Variants in SLC25A26 observed in about 807,000 individuals in gnomAD.
The protein encoded by SLC25A26 is solute carrier family 25 member 26, also known as mitochondrial S-adenosylmethionine carrier protein.
Under a neutral mutation model 37.8 loss-of-function variants are expected in SLC25A26, and 36 were observed. The observed-to-expected ratio is 0.95, with a 90% confidence interval of 0.73 to 1.26. The LOEUF is 1.26. SLC25A26 is among the 50% of genes most tolerant of loss of function. SLC25A26 has a pLI of 0.00. For synonymous variants in SLC25A26, 129 were observed against 122.5 expected (o/e 1.05, Z -0.35); for missense variants, 390 against 331.1 (o/e 1.18, Z -1.38).
intron 1 of SLC25A26, among the ~76,000 whole-genome samples, chr3:66,172,410 G>GAAAGAAAAA (rs2070513235): frequency 1.3e-5 from 1 of 75,180 alleles, no homozygotes; most frequent in African/African-American, 5.0e-5. Context: ...TACCTGTAAA[G>GAAAGAAAAA]AAAAAAAAAA....
intron 1 of SLC25A26, among the ~76,000 whole-genome samples, chr3:66,212,282 ATT>A (rs1257688673): frequency 6.8e-6 from 1 of 147,216 alleles, no homozygotes; most frequent in Admixed American, 6.8e-5. Context: ...TGGTTAATAA[ATT>A]TTTTTTTTTT....
chr3:66,339,901 G>T (rs1029178861), intron 5 of SLC25A26, among the ~76,000 whole-genome samples: 10 of 151,760 alleles, frequency 6.6e-5, no homozygotes, highest in Non-Finnish European at 2.9e-5. Flanking sequence ...TTGTTGCCTT[G>T]CTTTTTGTGT....
chr3:66,347,158 A>G (rs2076345427), intron 6 of SLC25A26, among the ~76,000 whole-genome samples: 1 of 152,234 alleles, frequency 6.6e-6, no homozygotes. Context: ...CTGCACAGCA[A>G]AAGAAACTAT....
chr3:66,153,342 A>T (rs887235601), intron 1 of SLC25A26, among the ~76,000 whole-genome samples: 1 of 152,178 alleles, frequency 6.6e-6, no homozygotes, highest in East Asian at 1.9e-4. Context: ...TTTATGTGCA[A>T]TGTATTCGGG....
chr3:66,351,297 C>T (rs1436025514), intron 6 of SLC25A26, among the ~76,000 whole-genome samples: 1 of 152,064 alleles, frequency 6.6e-6, no homozygotes, highest in Non-Finnish European at 1.5e-5. Flanking sequence ...TATACATATG[C>T]TTACAAAAGT....
At chr3:66,251,084 G>GA (rs1397418896) in intron 3 of SLC25A26, among the ~76,000 whole-genome samples, 2 of 152,144 alleles carry the variant, frequency 1.3e-5, no homozygotes, top group Non-Finnish European at 2.9e-5. Context: ...TTAGAGTTCT[G>GA]AAAAGACCTT....
chr3:66,327,044 A>T (rs1224141141), intron 5 of SLC25A26, among the ~76,000 whole-genome samples: 2 of 152,186 alleles, frequency 1.3e-5, no homozygotes, highest in African/African-American at 4.8e-5. Context: ...TAATACATAG[A>T]AAAAGTCATT....
intron 5 of SLC25A26, among the ~76,000 whole-genome samples, chr3:66,335,204 T>C (rs1290114072): frequency 1.3e-5 from 2 of 152,246 alleles, no homozygotes; most frequent in Non-Finnish European, 2.9e-5. Flanking sequence ...AGCATGGCTT[T>C]TCTTTAAATG....
intron 1 of SLC25A26, among the ~76,000 whole-genome samples, chr3:66,156,753 C>T (rs191915263): frequency 8.5e-5 from 13 of 152,178 alleles, no homozygotes; most frequent in Admixed American, 7.9e-4. Context: ...ATGCCACACT[C>T]CGAGATCCAC....
rs1196757082 is a variant in SLC25A26 at position 66,208,885 on chromosome 3, T to TATATATATACAC, written c.-353-11856_-353-11855insTATATATACACA. Among the ~76,000 whole-genome samples the TATATATATACAC allele has an allele frequency of 1.9e-4, 20 of 105,604 alleles. 1 individual carries two copies. Among genetic ancestry groups the TATATATATACAC allele is most frequent in the South Asian group, 1.6e-3 (5 of 3,068 alleles). 69.3% of individuals were successfully genotyped at this position (105,604 alleles called of 152,430 possible). ...ATGGGTGTGTGTATATATATATATATACACCTTTATATGGGTATATATATA... is the reference window on the plus strand; with the variant it reads ...ATGGGTGTGTGTATATATATATATATATATATATACACACACCTTTATATGGGTATATATATA... On this transcript the variant is annotated intron_variant, in intron 1 of 10. Coordinates refer to the SLC25A26 transcript ENST00000676754.
chr3:66,304,115 G>A (rs981518162), intron 5 of SLC25A26, among the ~76,000 whole-genome samples: 1 of 152,200 alleles, frequency 6.6e-6, no homozygotes, highest in Non-Finnish European at 1.5e-5. Context: ...GCCCATCCAC[G>A]ATAATTTCCC....
chr3:66,182,727 GGT>G (rs1438541344), intron 1 of SLC25A26, among the ~76,000 whole-genome samples: 2,308 of 111,284 alleles, frequency 0.021, 2 homozygotes, highest in African/African-American at 0.024. Flanking sequence ...GGGGGGGGGG[GGT>G]GGGGTATCAG....
chr3:66,328,957 G>A (rs2075905489), intron 5 of SLC25A26, among the ~76,000 whole-genome samples: 2 of 152,056 alleles, frequency 1.3e-5, no homozygotes, highest in African/African-American at 4.8e-5. Context: ...CAAAATATGT[G>A]CCACCTAGCT....
At chr3:66,340,436 G>GT (rs893493244) in intron 5 of SLC25A26, among the ~76,000 whole-genome samples, 3 of 151,888 alleles carry the variant, frequency 2.0e-5, no homozygotes, top group East Asian at 1.9e-4. Flanking sequence ...TTTTTCTAAA[G>GT]TTTTTTTTCT....
At chr3:66,190,144 T>C (rs1021447193) in intron 1 of SLC25A26, among the ~76,000 whole-genome samples, 8 of 152,056 alleles carry the variant, frequency 5.3e-5, no homozygotes, top group Non-Finnish European at 8.8e-5. Context: ...AAAAGCCATC[T>C]ACAAAAACTA....
At chr3:66,243,577 A>G (rs2072688433) in intron 3 of SLC25A26, among the ~76,000 whole-genome samples, 1 of 152,218 alleles carries the variant, frequency 6.6e-6, no homozygotes, top group African/African-American at 2.4e-5. Flanking sequence ...GAAAAAAGAC[A>G]AAGAGTGGAA....
chr3:66,240,146 G>A (rs2107076939), intron 2 of SLC25A26, among the ~76,000 whole-genome samples: 2 of 152,232 alleles, frequency 1.3e-5, no homozygotes, highest in Admixed American at 1.3e-4. Context: ...TGCTCCTGTG[G>A]AGATAATTAG....
chr3:66,234,890 A>G (rs1339818965), intron 1 of SLC25A26, among the ~76,000 whole-genome samples: 1 of 152,220 alleles, frequency 6.6e-6, no homozygotes, highest in Admixed American at 6.5e-5. Flanking sequence ...ATGTATTTAC[A>G]TGGTTCTGAT....
chr3:66,371,969 C>A (rs1431960778), intron 9 of SLC25A26, among the ~76,000 whole-genome samples: 1 of 152,088 alleles, frequency 6.6e-6, no homozygotes, highest in South Asian at 2.1e-4. Flanking sequence ...TGTGGTCGCA[C>A]GCACCTGTAG....
Sources: gnomAD v4.1 joint callset for allele counts (sites outside exome capture counted in the v4.1 genomes callset) on GRCh38, gnomAD v4.1.1 for gene constraint, MANE v1.5 for transcripts, NCBI Gene and HGNC (gene_info 2026-07-23, HGNC 2026-07-21) for gene names.